DCC: variants seen among roughly 807,000 people sequenced by gnomAD.
The protein encoded by DCC is netrin receptor DCC.
In DCC, 58 loss-of-function variants were observed where a neutral mutation model predicts 172.5. The ratio of observed to expected loss-of-function variants is 0.34; its 90% CI spans 0.27 to 0.42. The LOEUF (loss-of-function observed/expected upper bound fraction) is 0.42. DCC is among the 10% of genes least tolerant of loss of function. DCC has a pLI of 1.00. For missense variants in DCC, 1,740 were observed against 1,791.0 expected (o/e 0.97, Z 0.51); for synonymous variants, 709 against 644.5 (o/e 1.10, Z -1.52).
At chr18:52,999,158 T>C (rs1185756055) in intron 5 of DCC, among the ~76,000 whole-genome samples, 3 of 152,078 alleles carry the variant, frequency 2.0e-5, no homozygotes, top group Non-Finnish European at 4.4e-5. Flanking sequence ...AAAGAGCTGT[T>C]GGACCAATTA....
intron 5 of DCC, among the ~76,000 whole-genome samples, chr18:52,967,504 G>A (rs9966786): frequency 0.14 from 21,117 of 152,090 alleles, 1,728 homozygotes; most frequent in East Asian, 0.33. Context: ...TGTATTCTTG[G>A]TAATAATGCT....
chr18:53,207,924 T>A (rs2055678945), intron 11 of DCC, 107 bp downstream of exon 11: 2 of 1,002,132 alleles, frequency 2.0e-6, no homozygotes, highest in Admixed American at 1.7e-5. Flanking sequence ...GCTTCCTGAC[T>A]AAAATTTTAT....
intron 9 of DCC, among the ~76,000 whole-genome samples, chr18:53,197,949 G>C (rs1173101915): frequency 2.6e-5 from 4 of 152,012 alleles, no homozygotes; most frequent in African/African-American, 9.7e-5. Context: ...TAAAATATTT[G>C]GTGAATTAAA....
At chr18:52,588,367 C>A (rs1370301118) in intron 1 of DCC, among the ~76,000 whole-genome samples, 1 of 152,120 alleles carries the variant, frequency 6.6e-6, no homozygotes, top group African/African-American at 2.4e-5. Context: ...TGTTCTGGAC[C>A]CCACTCAAAA....
At chr18:52,627,885 T>TCACTTC (rs1214229809) in intron 1 of DCC, among the ~76,000 whole-genome samples, 22 of 152,168 alleles carry the variant, frequency 1.4e-4, no homozygotes, top group Non-Finnish European at 1.8e-4. Context: ...CTGGAGAGTG[T>TCACTTC]CTGCAATGTC....
intron 1 of DCC, among the ~76,000 whole-genome samples, chr18:52,695,167 T>A (rs1483519526): frequency 6.6e-6 from 1 of 152,210 alleles, no homozygotes; most frequent in Non-Finnish European, 1.5e-5. Flanking sequence ...ATTCTGACAC[T>A]GACAAAAATT....
At chr18:53,395,247 C>CT (rs2145018410) in intron 17 of DCC, among the ~76,000 whole-genome samples, 1 of 151,650 alleles carries the variant, frequency 6.6e-6, no homozygotes, top group African/African-American at 2.4e-5. Context: ...TATTTCTAGG[C>CT]TTTTTTAAGA....
intron 1 of DCC, among the ~76,000 whole-genome samples, chr18:52,415,161 T>C (rs1253681939): frequency 1.3e-5 from 2 of 152,212 alleles, no homozygotes; most frequent in East Asian, 3.9e-4. Flanking sequence ...TCAGGTTGTT[T>C]ACCATTTCTG....
chr18:53,530,160 T>C (rs772266923), intron 28 of DCC: 13 of 606,686 alleles, frequency 2.1e-5, no homozygotes, highest in Non-Finnish European at 3.2e-5. Context: ...GACCCTATCA[T>C]GGGTACTAAA....
At position 53,204,158 on chromosome 18, in the gene DCC, G is replaced by A. The variant is rs57334467; in HGVS notation, c.1574-1058G>A. Among the ~76,000 whole-genome samples, 267 of 143,416 alleles carry A rather than the reference G, an allele frequency of 1.9e-3. 2 individuals carry two copies. Among genetic ancestry groups the A allele is most frequent in the African/African-American group, 7.1e-3 (262 of 36,654 alleles). The allele number at this position is 143,416 out of a possible 152,430, so 94.1% of individuals were successfully genotyped here. On this transcript the variant is annotated intron_variant, in intron 9 of 28. Transcript: ENST00000442544. The stretch of plus-strand genomic sequence containing the variant: ...TATATAGTTACATTTGATTAACAGG[G>A]TGCTACTACAGACCCCATTAGGGAA...
chr18:53,450,154 T>C (rs77307769), intron 22 of DCC, among the ~76,000 whole-genome samples: 4 of 145,188 alleles, frequency 2.8e-5, no homozygotes, highest in East Asian at 4.1e-4. Flanking sequence ...CACACACACA[T>C]ACACACATAC....
At chr18:53,075,541 C>G (rs1240864325) in intron 7 of DCC, among the ~76,000 whole-genome samples, 1 of 139,688 alleles carries the variant, frequency 7.2e-6, no homozygotes, top group African/African-American at 2.8e-5. Flanking sequence ...GAGTGTTATC[C>G]CATTTTTTTT....
At chr18:52,900,155 A>T (rs891254135) in intron 2 of DCC, among the ~76,000 whole-genome samples, 5 of 152,344 alleles carry the variant, frequency 3.3e-5, no homozygotes, top group East Asian at 3.9e-4. Context: ...CTGTTACTGC[A>T]TTGAACTATT....
At chr18:53,018,117 A>G (rs915763148) in intron 5 of DCC, among the ~76,000 whole-genome samples, 2 of 152,206 alleles carry the variant, frequency 1.3e-5, no homozygotes, top group African/African-American at 2.4e-5. Flanking sequence ...GTGTATACCT[A>G]TGTAACAAAC....
Position 53,391,710 on chromosome 18 carries a change from C to T in DCC, c.2511C>T (p.Val837=), listed in dbSNP as rs575776896. 6.2e-7 allele frequency: 1 copy of T among 1,614,100 alleles called. No homozygotes were observed. The highest frequency in any genetic ancestry group is 2.2e-5 in the East Asian group (1 of 44,858). Residue 837 remains valine (V), a synonymous_variant, in exon 17 of 29, where the codon GTC becomes GTT. Coordinates refer to ENST00000442544, the MANE Select transcript of DCC (RefSeq NM_005215.4). Reference sequence around the variant, plus strand: ...TGCTTGATGATTTCCCCACCTCGGTCCCAGATCTCTCCACCCCCATGCTCC... The same window carrying T: ...TGCTTGATGATTTCCCCACCTCGGTTCCAGATCTCTCCACCCCCATGCTCC... ...YPLLDDFPTS[V]PDLSTPMLPP...
chr18:53,161,168 C>T (rs1467026105), intron 8 of DCC, among the ~76,000 whole-genome samples: 2 of 152,204 alleles, frequency 1.3e-5, no homozygotes, highest in Non-Finnish European at 2.9e-5. Context: ...TAACTTCACT[C>T]CAATGTCTTA....
intron 10 of DCC, among the ~76,000 whole-genome samples, chr18:53,206,841 G>A (rs2055658046): frequency 6.6e-6 from 1 of 151,250 alleles, no homozygotes; most frequent in Non-Finnish European, 1.5e-5. Context: ...AGGCCTTCCT[G>A]CTTTCACATA....
At chr18:52,353,129 A>G (rs1984199389) in intron 1 of DCC, among the ~76,000 whole-genome samples, 3 of 152,338 alleles carry the variant, frequency 2.0e-5, no homozygotes, top group Middle Eastern at 3.4e-3. Flanking sequence ...GTGGCAAGCT[A>G]TGCCAACATC....
At chr18:52,551,773 G>A (rs2032779705) in intron 1 of DCC, among the ~76,000 whole-genome samples, 2 of 137,996 alleles carry the variant, frequency 1.4e-5, no homozygotes, top group Admixed American at 1.5e-4. Context: ...CACACACTTT[G>A]CAGCATGAAT....
Sources: allele counts gnomAD v4.1 joint callset (sites outside exome capture counted in the v4.1 genomes callset), GRCh38; gene constraint gnomAD v4.1.1; transcripts MANE v1.5; gene names NCBI Gene and HGNC (gene_info 2026-07-23, HGNC 2026-07-21).